NDST1: variants seen among roughly 807,000 people sequenced by gnomAD.
NDST1 encodes the protein bifunctional heparan sulfate N-deacetylase/N-sulfotransferase 1.
In NDST1, 35 loss-of-function variants were observed where a neutral mutation model predicts 92.8. The observed-to-expected ratio is 0.38, with a 90% CI of 0.29 to 0.50. The LOEUF (loss-of-function observed/expected upper bound fraction) is 0.50. Among genes scored for constraint, NDST1 ranks in the 20% least tolerant of loss-of-function variants. NDST1 has a pLI of 0.94. For synonymous variants in NDST1, 493 were observed against 500.3 expected (o/e 0.99, Z 0.19); for missense variants, 822 against 1,182.7 (o/e 0.69, Z 4.47).
At chr5:150,545,280 G>C (rs1755431148) in intron 10 of NDST1, 32 bp from the exon 11 acceptor site, 1 of 1,613,732 alleles carries the variant, frequency 6.2e-7, no homozygotes, top group South Asian at 1.1e-5. Flanking sequence ...CATGAGTTTT[G>C]TCTGTGAGCC....
At chr5:150,537,887 C>T (rs984360974) in intron 6 of NDST1, among the ~76,000 whole-genome samples, 2 of 152,196 alleles carry the variant, frequency 1.3e-5, no homozygotes, top group Non-Finnish European at 2.9e-5. Context: ...ATTTCTCAGA[C>T]TGACAGACAC....
rs202062644 is a variant in NDST1 at position 150,551,371 on chromosome 5, AG to A, written c.2427-378del. ...CACCCCTCTTCCCATTGACGCTGGGAGGGGTAAAGAAGGCTTCTTGGGTTTA... is the reference window on the plus strand; with the variant it reads ...CACCCCTCTTCCCATTGACGCTGGGAGGGTAAAGAAGGCTTCTTGGGTTTA... On this transcript the variant is annotated intron_variant, in intron 13 of 14. Coordinates refer to ENST00000261797, the MANE Select transcript of NDST1 (RefSeq NM_001543.5). 1.5e-4 allele frequency among the ~76,000 whole-genome samples: 23 copies of A among 152,034 alleles called. No individual in the cohort carries two copies. The East Asian group carries it at 3.9e-3, about 26-fold the overall frequency.
intron 1 of NDST1, among the ~76,000 whole-genome samples, chr5:150,500,822 G>C (rs1320891183): frequency 6.6e-6 from 1 of 152,198 alleles, no homozygotes; most frequent in Non-Finnish European, 1.5e-5. Context: ...GAGGTACATA[G>C]AGGGAAGACA....
intron 11 of NDST1, among the ~76,000 whole-genome samples, chr5:150,547,029 T>C (rs1165953149): frequency 6.6e-5 from 10 of 152,228 alleles, no homozygotes; most frequent in Admixed American, 6.5e-4. Flanking sequence ...CAGTCCCTGT[T>C]CTGCACTGAC....
chr5:150,509,702 G>A (rs1421481995), intron 1 of NDST1, among the ~76,000 whole-genome samples: 2 of 152,166 alleles, frequency 1.3e-5, no homozygotes, highest in African/African-American at 4.8e-5. Context: ...GTAGAGATGG[G>A]GTTTCACCGT....
At chr5:150,506,330 G>T (rs1052472851), upstream of NDST1, among the ~76,000 whole-genome samples, 1 of 152,148 alleles carries the variant, frequency 6.6e-6, no homozygotes, top group Non-Finnish European at 1.5e-5. Flanking sequence ...CCAGGCTGGT[G>T]TTGAACTCCT....
At position 150,524,004 on chromosome 5, in the gene NDST1, G is replaced by T. The variant is rs540507050; in HGVS notation, c.513+2237G>T. ...GACCAACTTCCCCGCTGTGTGCTGG[G>T]CTTGCCAAGTGGGGATTGTCTGTGG... On this transcript the variant is annotated intron_variant, in intron 2 of 14. Coordinates refer to ENST00000261797, the MANE Select transcript of NDST1 (RefSeq NM_001543.5). 5.9e-5 allele frequency among the ~76,000 whole-genome samples: 9 copies of T among 152,300 alleles called. No homozygotes were observed. In the South Asian group the frequency reaches 1.5e-3, roughly 25 times the overall value.
intron 1 of NDST1, among the ~76,000 whole-genome samples, chr5:150,512,000 A>G (rs900613654): frequency 4.0e-5 from 6 of 151,802 alleles, no homozygotes; most frequent in Non-Finnish European, 5.9e-5. Context: ...GGGCTGGATC[A>G]GCTATGGGGA....
In NDST1 at chr5:150,534,770, G is replaced by A. The variant is rs1021787560; in HGVS notation, c.1097-97G>A. The A allele has an allele frequency of 9.4e-6, 14 of 1,493,446 alleles. No homozygotes were observed. In the Admixed American group the frequency reaches 2.4e-4, roughly 25 times the overall value. The allele number at this position is 1,493,446 out of a possible 1,614,324, so 92.5% of individuals were successfully genotyped here. On this transcript the variant is annotated intron_variant, in intron 4 of 14. Coordinates refer to ENST00000261797, the MANE Select transcript of NDST1 (RefSeq NM_001543.5). ...GATAACTCTTCCAGGCAGCTCCTGG[G>A]TGGGCTCTGGCCATGCTCTCCCATC...
At position 150,519,920 on chromosome 5, in the gene NDST1, G is replaced by A. The variant is rs139389247; in HGVS notation, c.-387-948G>A. ...GGCGGTGCGGGGGGTTCAGGCTGAGGGGGAGGCTGGAACCCAGAGTTATGG... is the reference window on the plus strand; with the variant it reads ...GGCGGTGCGGGGGGTTCAGGCTGAGAGGGAGGCTGGAACCCAGAGTTATGG... On this transcript the variant is annotated intron_variant, in intron 1 of 14. Coordinates refer to ENST00000261797, the MANE Select transcript of NDST1 (RefSeq NM_001543.5). Among the ~76,000 whole-genome samples, 352 of 152,218 alleles carry A rather than the reference G, an allele frequency of 2.3e-3. 1 individual carries two copies. Among genetic ancestry groups the A allele is most frequent in the Admixed American group, 2.9e-3 (45 of 15,300 alleles).
At chr5:150,537,895 C>CA (rs1462797155) in intron 6 of NDST1, among the ~76,000 whole-genome samples, 1 of 152,174 alleles carries the variant, frequency 6.6e-6, no homozygotes, top group East Asian at 1.9e-4. Flanking sequence ...GACTGACAGA[C>CA]ACTTAGGGAA....
In NDST1 at chr5:150,553,483, C is replaced by G. The variant is rs1202490997; in HGVS notation, c.*151C>G. ...AGGTCTGGTGGGGCTGGGGGAGCAC[C>G]CAGGCGGATCTGCAAGCACCTCGGA... is the stretch of plus-strand genomic sequence containing the variant. On this transcript the variant is annotated 3_prime_UTR_variant, in exon 15 of 15. Coordinates refer to ENST00000261797, the MANE Select transcript of NDST1 (RefSeq NM_001543.5). The surrounding 1 kb of genome is among the most constrained non-coding windows in gnomAD (Gnocchi z 4.2). The G allele has an allele frequency of 8.9e-7, 1 of 1,123,424 alleles. No homozygotes were observed. Among genetic ancestry groups the G allele is most frequent in the Non-Finnish European group, 1.3e-6 (1 of 758,646 alleles). 69.6% of individuals were successfully genotyped at this position (1,123,424 alleles called of 1,614,324 possible). A position where few individuals can be genotyped will look rare whatever the true frequency, so the allele number is the denominator to read the frequency against.
At chr5:150,544,863 C>T (rs562242383) in intron 10 of NDST1, among the ~76,000 whole-genome samples, 4 of 152,276 alleles carry the variant, frequency 2.6e-5, no homozygotes, top group Admixed American at 6.5e-5. Context: ...AAAGAAAGTC[C>T]GCCCTCTGGA....
rs376182604 is a variant in NDST1 at position 150,540,334 on chromosome 5, A to C, written c.1749+70A>C. On this transcript the variant is annotated intron_variant, in intron 8 of 14. Transcript: ENST00000261797. ...GCCACCACTCACAGGCACACACTCCAGATATGGACTCAAGGCTCAGCCATC... is the reference window on the plus strand; with the variant it reads ...GCCACCACTCACAGGCACACACTCCCGATATGGACTCAAGGCTCAGCCATC... The C allele has an allele frequency of 4.1e-6, 6 of 1,472,972 alleles. No individual in the cohort carries two copies. In the African/African-American group the frequency reaches 7.0e-5, roughly 17 times the overall value. The allele number at this position is 1,472,972 out of a possible 1,614,324, so 91.2% of individuals were successfully genotyped here.
At chr5:150,537,684 A>G (rs184103625) in intron 6 of NDST1, among the ~76,000 whole-genome samples, 1 of 152,144 alleles carries the variant, frequency 6.6e-6, no homozygotes, top group South Asian at 2.1e-4. Context: ...TTGCTTTGTG[A>G]TATTTTATTA....
Position 150,539,231 on chromosome 5 carries a change from C to G in NDST1, c.1441C>G (p.Leu481Val), listed in dbSNP as rs1169762513. Residue 481 changes from leucine to valine, a missense_variant, in exon 7 of 15, where the codon CTC becomes GTC. Coordinates refer to ENST00000261797, the MANE Select transcript of NDST1 (RefSeq NM_001543.5). ...CTCTCCCCCACCCCCTCCTCAGGTT[C>G]TCCCACGGCAGACCTGCGGCCTCTT... ...RGFIHNGIMV[L>V]PRQTCGLFTH... 6.2e-7 allele frequency: 1 copy of G among 1,613,618 alleles called. No homozygotes were observed. Among genetic ancestry groups the G allele is most frequent in the South Asian group, 1.1e-5 (1 of 91,064 alleles).
At chr5:150,538,538 T>C (rs1412092805) in intron 6 of NDST1, among the ~76,000 whole-genome samples, 1 of 152,072 alleles carries the variant, frequency 6.6e-6, no homozygotes, top group Non-Finnish European at 1.5e-5. Context: ...ATGAGTTAGA[T>C]ATAGGGTGTG....
chr5:150,553,939 A>T lies in NDST1; in HGVS notation c.*607A>T. On this transcript the variant is annotated 3_prime_UTR_variant, in exon 15 of 15. Transcript: ENST00000261797. The surrounding 1 kb of genome is among the most constrained non-coding windows in gnomAD (Gnocchi z 4.2). Reference sequence around the variant, plus strand: ...TTCTGGGGAAGAATTTCTGGTTCCTACAGTATCCACTCCATCCTCAAGGCT... The same window carrying T: ...TTCTGGGGAAGAATTTCTGGTTCCTTCAGTATCCACTCCATCCTCAAGGCT... 1 of 423,614 alleles carries T rather than the reference A, an allele frequency of 2.4e-6. No individual in the cohort carries two copies. Among genetic ancestry groups the T allele is most frequent in the East Asian group, 3.3e-5 (1 of 30,446 alleles). The allele number at this position is 423,614 out of a possible 1,614,324, so 26.2% of individuals were successfully genotyped here.
Position 150,542,897 on chromosome 5 carries a change from C to T in NDST1, c.1896C>T (p.Ser632=). ...TGGGCATGCACCCTGACCTAAGCAG[C>T]AACTACCCCAGCTCTGAGACCTTTG... ...LFLGMHPDLS[S]NYPSSETFEE... The change falls in exon 10 of 15, where the codon AGC becomes AGT. Residue 632 remains serine (S), a synonymous_variant. Transcript: ENST00000261797. The T allele has an allele frequency of 6.2e-7, 1 of 1,614,172 alleles. No homozygotes were observed. The highest frequency in any genetic ancestry group is 1.1e-5 in the South Asian group (1 of 91,078).
Sources: gnomAD v4.1 joint callset for allele counts (sites outside exome capture counted in the v4.1 genomes callset) on GRCh38, gnomAD v4.1.1 for gene constraint, Gnocchi (gnomAD v3.1) non-coding constraint, MANE v1.5 for transcripts, NCBI Gene and HGNC (gene_info 2026-07-23, HGNC 2026-07-21) for gene names.